Variants in AGK observed in about 807,000 individuals in gnomAD.
AGK encodes acylglycerol kinase, also known as acylglycerol kinase, mitochondrial.
Under a neutral mutation model 66.4 loss-of-function variants are expected in AGK, and 52 were observed. The observed-to-expected ratio is 0.78, with a 90% CI of 0.63 to 0.99. AGK has a LOEUF of 0.99. AGK is among the 50% of genes least tolerant of loss of function. The pLI is 0.00. For synonymous variants in AGK, 182 were observed against 181.1 expected (o/e 1.00, Z -0.04); for missense variants, 451 against 506.6 (o/e 0.89, Z 1.05).
Position 141,555,483 on chromosome 7 carries a change from A to G in AGK, c.17A>G (p.Lys6Arg), listed in dbSNP as rs148294392. 1,491 of 1,614,026 alleles carry G rather than the reference A, an allele frequency of 9.2e-4. 9 individuals are homozygous for G. Among genetic ancestry groups the G allele is most frequent in the African/African-American group, 5.2e-3 (391 of 75,040 alleles). Residue 6 changes from lysine to arginine, a missense_variant, in exon 2 of 16, where the codon AAA becomes AGA. By Grantham distance (26) the Lys-to-Arg change is conservative. Transcript: ENST00000649286. This position sits in a 1 kb window ranked among gnomAD's most constrained non-coding sequence, Gnocchi z 4.2. ...CTCTAGAAGATGACGGTGTTCTTTA[A>G]AACGCTTCGAAATCACTGGAAGAAA... MTVFF[K>R]TLRNHWKKTT...
At chr7:141,623,433 C>G (rs1796870089) in intron 9 of AGK, among the ~76,000 whole-genome samples, 1 of 151,050 alleles carries the variant, frequency 6.6e-6, no homozygotes, top group Non-Finnish European at 1.5e-5. Context: ...AGTGAAGCAG[C>G]CATGTTGCTG....
At chr7:141,581,558 T>C (rs1795881406) in intron 2 of AGK, among the ~76,000 whole-genome samples, 1 of 151,884 alleles carries the variant, frequency 6.6e-6, no homozygotes. Flanking sequence ...TAAAGCTTGC[T>C]GTGGGATGGG....
At chr7:141,594,770 A>G (rs1316006823) in intron 3 of AGK, among the ~76,000 whole-genome samples, 1 of 152,058 alleles carries the variant, frequency 6.6e-6, no homozygotes, top group Non-Finnish European at 1.5e-5. Context: ...CTCTTGCCTC[A>G]GCCTCCTGAG....
chr7:141,634,004 G>T, intron 10 of AGK, 24 bp downstream of exon 10: 1 of 1,587,408 alleles, frequency 6.3e-7, no homozygotes, highest in Non-Finnish European at 8.7e-7. Context: ...ATATTGATGT[G>T]TGATGTTTTT....
chr7:141,625,914 C>T (rs531645959), intron 9 of AGK, among the ~76,000 whole-genome samples: 1 of 152,196 alleles, frequency 6.6e-6, no homozygotes, highest in South Asian at 2.1e-4. Context: ...TTCCTGCATG[C>T]TAGGTGGGAA....
chr7:141,562,269 T>G (rs1795366403), intron 2 of AGK, among the ~76,000 whole-genome samples: 1 of 152,238 alleles, frequency 6.6e-6, no homozygotes, highest in Non-Finnish European at 1.5e-5. Flanking sequence ...TGAGTTGCGG[T>G]AATGTCCTGA....
intron 11 of AGK, among the ~76,000 whole-genome samples, chr7:141,638,536 A>T (rs890362841): frequency 1.2e-4 from 19 of 152,246 alleles, no homozygotes; most frequent in African/African-American, 4.1e-4. Context: ...ACAGAAAAAC[A>T]GATAGGATGT....
intron 4 of AGK, among the ~76,000 whole-genome samples, chr7:141,600,577 G>A (rs1156406491): frequency 6.6e-6 from 1 of 152,112 alleles, no homozygotes; most frequent in Non-Finnish European, 1.5e-5. Flanking sequence ...TTCTAATTGT[G>A]CCATACATAA....
chr7:141,619,507 C>T (rs114695341), intron 8 of AGK, among the ~76,000 whole-genome samples: 1,670 of 152,116 alleles, frequency 0.011, 24 homozygotes, highest in African/African-American at 0.038. Context: ...TAAACTTCAA[C>T]CCATACCTCA....
At chr7:141,589,780 G>A (rs1428116683) in intron 2 of AGK, among the ~76,000 whole-genome samples, 5 of 152,058 alleles carry the variant, frequency 3.3e-5, no homozygotes, top group South Asian at 2.1e-4. Context: ...AGCTGGTCTC[G>A]AACTCCCGAC....
At chr7:141,583,714 C>T (rs191482787) in intron 2 of AGK, among the ~76,000 whole-genome samples, 5 of 152,032 alleles carry the variant, frequency 3.3e-5, no homozygotes, top group South Asian at 2.1e-4. Context: ...TTCCTGCGTC[C>T]GTGACTGGTG....
intron 7 of AGK, among the ~76,000 whole-genome samples, chr7:141,615,033 C>G (rs1229997951): frequency 6.6e-6 from 1 of 152,112 alleles, no homozygotes; most frequent in Admixed American, 6.5e-5. Context: ...TTCTCTTTGC[C>G]TTATTTGTAC....
chr7:141,604,564 G>A (rs1039505146), intron 5 of AGK, among the ~76,000 whole-genome samples: 16 of 149,272 alleles, frequency 1.1e-4, no homozygotes, highest in Non-Finnish European at 3.0e-5. Flanking sequence ...TAACATTGAT[G>A]TACTATTATC....
intron 2 of AGK, among the ~76,000 whole-genome samples, chr7:141,566,846 A>G (rs1795481370): frequency 6.6e-6 from 1 of 152,058 alleles, no homozygotes; most frequent in Admixed American, 6.5e-5. Flanking sequence ...TCTTGCTCAT[A>G]CATCTTCACT....
At chr7:141,596,821 A>G in intron 4 of AGK, 180 bp downstream of exon 4, 1 of 578,602 alleles carries the variant, frequency 1.7e-6, no homozygotes, top group Non-Finnish European at 3.0e-6. Flanking sequence ...TATAAAACTA[A>G]TGGATGCTTA....
chr7:141,578,418 CAT>C (rs2116891712), intron 2 of AGK, among the ~76,000 whole-genome samples: 1 of 152,028 alleles, frequency 6.6e-6, no homozygotes, highest in African/African-American at 2.4e-5. Flanking sequence ...GCCATCTGGA[CAT>C]ATGTGTGCAG....
intron 10 of AGK, among the ~76,000 whole-genome samples, chr7:141,634,442 T>C (rs920758140): frequency 7.2e-5 from 11 of 152,176 alleles, no homozygotes. Context: ...GCCGCTGCTC[T>C]TAGAGGAGGA....
chr7:141,653,222 G>T lies in AGK; in HGVS notation c.*298G>T. On this transcript the variant is annotated 3_prime_UTR_variant, in exon 16 of 16. Coordinates refer to ENST00000649286, the MANE Select transcript of AGK (RefSeq NM_018238.4). ...ACTTTCTTCTGTTTTCTTCCAAAGT[G>T]CAACCACAGTGGAGAGCCCACGGTG... The T allele has an allele frequency of 3.1e-6, 1 of 319,034 alleles. No homozygotes were observed. The highest frequency in any genetic ancestry group is 6.4e-5 in the East Asian group (1 of 15,566). 19.8% of individuals were successfully genotyped at this position (319,034 alleles called of 1,614,324 possible).
chr7:141,583,273 G>T (rs1199283876), intron 2 of AGK, among the ~76,000 whole-genome samples: 1 of 151,824 alleles, frequency 6.6e-6, no homozygotes, highest in Non-Finnish European at 1.5e-5. Context: ...TAAGGGAGAA[G>T]AAGGAGGAAT....
Sources: allele counts gnomAD v4.1 joint callset (sites outside exome capture counted in the v4.1 genomes callset), GRCh38; gene constraint gnomAD v4.1.1; non-coding constraint Gnocchi (gnomAD v3.1); transcripts MANE v1.5; gene names NCBI Gene and HGNC (gene_info 2026-07-23, HGNC 2026-07-21).